Variants in USP6NL observed in about 807,000 individuals in gnomAD.
USP6NL encodes the protein USP6 N-terminal like.
USP6NL carries 26 observed loss-of-function variants against 61.9 expected under a neutral mutation model. The observed-to-expected ratio is 0.42, with a 90% confidence interval of 0.31 to 0.58. The LOEUF (loss-of-function observed/expected upper bound fraction) is 0.58, where lower values mean the gene tolerates loss of function less well. Among genes scored for constraint, USP6NL ranks in the 20% least tolerant of loss-of-function variants. The probability of loss-of-function intolerance (pLI) is 0.16; values close to 1 mark genes in which losing one functional copy is unlikely to be tolerated. For missense variants in USP6NL, 1,114 were observed against 1,034.3 expected, an observed-to-expected ratio of 1.08 and a Z score of -1.06; for synonymous variants, 432 against 390.1, an observed-to-expected ratio of 1.11 and a Z score of -1.27.
At position 11,481,291 on chromosome 10, in the gene USP6NL, G is replaced by A. The variant is rs982919688; in HGVS notation, c.1078+479C>T. Among the ~76,000 whole-genome samples, 16 of 148,478 alleles carry A rather than the reference G, an allele frequency of 1.1e-4. No individual in the cohort carries two copies. Among genetic ancestry groups the A allele is most frequent in the Middle Eastern group, 3.4e-3 (1 of 292 alleles). On this transcript the variant is annotated intron_variant, in intron 14 of 14. Transcript: ENST00000609104. The surrounding 1 kb of genome is among the most constrained non-coding windows in gnomAD (Gnocchi z 4.4). Reference sequence around the variant, plus strand: ...GGCTAGTAGTCAGAAAAACTGGCCTGCAGTCTCAGTAATGCTATTTGTGGT... The same window carrying A: ...GGCTAGTAGTCAGAAAAACTGGCCTACAGTCTCAGTAATGCTATTTGTGGT...
intron 7 of USP6NL, among the ~76,000 whole-genome samples, chr10:11,493,724 C>T (rs542653290): frequency 3.9e-5 from 6 of 152,214 alleles, no homozygotes; most frequent in Non-Finnish European, 8.8e-5. Context: ...GTAGGTGTTC[C>T]ACCAGCTTCA....
Position 11,463,284 on chromosome 10 carries a change from T to C in USP6NL, c.1644A>G (p.Ala548=), listed in dbSNP as rs1566108124. 1.9e-6 allele frequency: 3 copies of C among 1,613,892 alleles called. No individual in the cohort carries two copies. The highest frequency in any genetic ancestry group is 2.5e-6 in the Non-Finnish European group (3 of 1,179,890). ...GGCCTGGCACGTTGTCGTACTGCGA[T>C]GCAGTGGAGCCCCGCTTCCCGTCCT... is the stretch of plus-strand genomic sequence containing the variant. ...DAEDGKRGST[A]SQYDNVPGPE... The change falls in exon 15 of 15, where the codon GCA becomes GCG. Residue 548 remains alanine, a synonymous_variant. Transcript: ENST00000609104. The surrounding 1 kb of genome is among the most constrained non-coding windows in gnomAD (Gnocchi z 6.3).
chr10:11,529,839 G>A (rs1835574886), intron 2 of USP6NL, among the ~76,000 whole-genome samples: 1 of 152,138 alleles, frequency 6.6e-6, no homozygotes, highest in African/African-American at 2.4e-5. Flanking sequence ...AAATCAAGCT[G>A]GGTGTGGTGG....
intron 2 of USP6NL, among the ~76,000 whole-genome samples, chr10:11,570,614 A>G (rs1467429354): frequency 6.6e-6 from 1 of 152,266 alleles, no homozygotes; most frequent in Non-Finnish European, 1.5e-5. Context: ...AGATAGAGAA[A>G]CATACACTGT....
rs1219681603 is a variant in USP6NL, at chr10:11,545,746, G to T, written c.5-18179C>A. On this transcript the variant is annotated intron_variant, in intron 2 of 14. Coordinates refer to ENST00000609104, the MANE Select transcript of USP6NL (RefSeq NM_014688.5). ...GATTTTTTTATTTCTAACAAATCTG[G>T]ACTGTTTTGAAATGAATGTCTTGTA... Among the ~76,000 whole-genome samples the T allele has an allele frequency of 3.4e-5, 5 of 147,900 alleles. No individual in the cohort carries two copies. In the East Asian group the frequency reaches 9.6e-4, roughly 28 times the overall value.
intron 14 of USP6NL, among the ~76,000 whole-genome samples, chr10:11,469,780 G>T (rs1832650563): frequency 1.3e-5 from 2 of 152,208 alleles, no homozygotes; most frequent in African/African-American, 4.8e-5. Context: ...GCTGGGGTTT[G>T]CTTCACTTTA....
chr10:11,597,521 T>A lies in USP6NL; in HGVS notation c.4+110A>T. On this transcript the variant is annotated intron_variant, in intron 2 of 14. Coordinates refer to ENST00000609104, the MANE Select transcript of USP6NL (RefSeq NM_014688.5). The surrounding 1 kb of genome is among the most constrained non-coding windows in gnomAD (Gnocchi z 4.6). ...GCTGGGTGGAACCACATTCAAACTC[T>A]GAATAAGTGACATAATTCCAATTTA... The A allele has an allele frequency of 8.5e-7, 1 of 1,176,742 alleles. No homozygotes were observed. Among genetic ancestry groups the A allele is most frequent in the Non-Finnish European group, 1.2e-6 (1 of 805,484 alleles). 72.9% of individuals were successfully genotyped at this position (1,176,742 alleles called of 1,614,324 possible).
intron 6 of USP6NL, among the ~76,000 whole-genome samples, chr10:11,501,955 G>A (rs550856095): frequency 6.6e-6 from 1 of 152,218 alleles, no homozygotes; most frequent in South Asian, 2.1e-4. Flanking sequence ...AATGAAATTA[G>A]GCATGAAACA....
Position 11,511,177 on chromosome 10 carries a change from T to C in USP6NL, c.196-1502A>G, listed in dbSNP as rs762065012. On this transcript the variant is annotated intron_variant, in intron 5 of 14. Transcript: ENST00000609104. The surrounding 1 kb of genome is among the most constrained non-coding windows in gnomAD (Gnocchi z 4.9). ...TTAAAACTCTCAATTACCTAACTCT[T>C]TTTAAAATTTTTGATGGGTTTCTCA... is the stretch of plus-strand genomic sequence containing the variant. Among the ~76,000 whole-genome samples the C allele has an allele frequency of 6.6e-6, 1 of 152,208 alleles. No homozygotes were observed. The highest frequency in any genetic ancestry group is 1.5e-5 in the Non-Finnish European group (1 of 68,026).
In USP6NL at chr10:11,495,279, G is replaced by A. The variant is rs1310413963; in HGVS notation, c.385-2051C>T. Among the ~76,000 whole-genome samples, 1 of 152,156 alleles carries A rather than the reference G, an allele frequency of 6.6e-6. No homozygotes were observed. The highest frequency in any genetic ancestry group is 2.4e-5 in the African/African-American group (1 of 41,440). On this transcript the variant is annotated intron_variant, in intron 7 of 14. Coordinates refer to ENST00000609104, the MANE Select transcript of USP6NL (RefSeq NM_014688.5). This position sits in a 1 kb window ranked among gnomAD's most constrained non-coding sequence, Gnocchi z 4.6. Reference sequence around the variant, plus strand: ...GATTATTATAATATTGGAATATAGAGTAATTGCTACAAACTAATGATTAAT... The same window carrying A: ...GATTATTATAATATTGGAATATAGAATAATTGCTACAAACTAATGATTAAT...
At position 11,513,809 on chromosome 10, in the gene USP6NL, T is replaced by C. The variant is rs577443597; in HGVS notation, c.196-4134A>G. ...CAAGACTGTTCTTTATAGCTGGTTT[T>C]TTCTGTGGTGTGGGCAACTCGGAAT... is the stretch of plus-strand genomic sequence containing the variant. On this transcript the variant is annotated intron_variant, in intron 5 of 14. Coordinates refer to ENST00000609104, the MANE Select transcript of USP6NL (RefSeq NM_014688.5). This position sits in a 1 kb window ranked among gnomAD's most constrained non-coding sequence, Gnocchi z 4.7. 6.6e-6 allele frequency among the ~76,000 whole-genome samples: 1 copy of C among 152,324 alleles called. No individual in the cohort carries two copies. The highest frequency in any genetic ancestry group is 1.5e-5 in the Non-Finnish European group (1 of 68,026).
rs1838877115 is a variant in USP6NL, at chr10:11,611,125, G to C, written c.-84+318C>G. 6.6e-6 allele frequency among the ~76,000 whole-genome samples: 1 copy of C among 152,042 alleles called. No homozygotes were observed. Among genetic ancestry groups the C allele is most frequent in the African/African-American group, 2.4e-5 (1 of 41,426 alleles). ...ACTTGCGAGGGAGACGCGCCTGGCC[G>C]GGATCGCGGCTCACTCGGGGAGGCA... On this transcript the variant is annotated intron_variant, in intron 1 of 14. Coordinates refer to ENST00000609104, the MANE Select transcript of USP6NL (RefSeq NM_014688.5). The surrounding 1 kb of genome is among the most constrained non-coding windows in gnomAD (Gnocchi z 5.3).
chr10:11,494,133 T>C (rs1833814076), intron 7 of USP6NL, among the ~76,000 whole-genome samples: 1 of 152,226 alleles, frequency 6.6e-6, no homozygotes, highest in African/African-American at 2.4e-5. Flanking sequence ...TATTTGGCTG[T>C]TTTAGAATTC....
In USP6NL at chr10:11,462,869, G is replaced by A. The variant is rs368085347; in HGVS notation, c.2059C>T (p.Arg687Cys). The change falls in exon 15 of 15, where the codon CGC (arginine) becomes TGC (cysteine). Residue 687 changes from arginine (R) to cysteine (C), a missense_variant. Arg to Cys is a radical substitution (Grantham distance 180). Transcript: ENST00000609104. ...GACGGCAGTACAAGGGGGCTTGGGCGGCTGTAAGATTTCTCCGGAGAAGCA... is the reference window on the plus strand; with the variant it reads ...GACGGCAGTACAAGGGGGCTTGGGCAGCTGTAAGATTTCTCCGGAGAAGCA... ...VSASPEKSYS[R>C]PSPLVLPSSR... The A allele has an allele frequency of 1.9e-5, 31 of 1,613,620 alleles. No homozygotes were observed. Among genetic ancestry groups the A allele is most frequent in the African/African-American group, 2.7e-5 (2 of 74,916 alleles).
rs888666272 is a variant in USP6NL at position 11,481,652 on chromosome 10, C to T, written c.1078+118G>A. 1 of 1,119,964 alleles carries T rather than the reference C, an allele frequency of 8.9e-7. No homozygotes were observed. The highest frequency in any genetic ancestry group is 1.6e-5 in the African/African-American group (1 of 62,846). 69.4% of individuals were successfully genotyped at this position (1,119,964 alleles called of 1,614,324 possible). A position where few individuals can be genotyped will look rare whatever the true frequency, so the allele number is the denominator to read the frequency against. Reference sequence around the variant, plus strand: ...GCTGAGCTGGTAAGGCATTCATCCACATTATGTCATCACAAGTATAATGCT... The same window carrying T: ...GCTGAGCTGGTAAGGCATTCATCCATATTATGTCATCACAAGTATAATGCT... On this transcript the variant is annotated intron_variant, in intron 14 of 14. Transcript: ENST00000609104. This position sits in a 1 kb window ranked among gnomAD's most constrained non-coding sequence, Gnocchi z 4.4.
chr10:11,594,012 A>G (rs774064288), intron 2 of USP6NL, among the ~76,000 whole-genome samples: 3 of 152,256 alleles, frequency 2.0e-5, no homozygotes, highest in Non-Finnish European at 2.9e-5. Context: ...AAGCTAAGCC[A>G]TCATTCCCAC....
At chr10:11,475,594 C>A (rs760835210) in intron 14 of USP6NL, among the ~76,000 whole-genome samples, 2 of 95,114 alleles carry the variant, frequency 2.1e-5, no homozygotes, top group Non-Finnish European at 2.0e-5. Context: ...AAAACTCTGT[C>A]GCAAAAAAAA....
chr10:11,500,792 G>A (rs1456851732), intron 7 of USP6NL, among the ~76,000 whole-genome samples: 1 of 152,122 alleles, frequency 6.6e-6, no homozygotes, highest in Non-Finnish European at 1.5e-5. Flanking sequence ...ATAATTAGGT[G>A]TTAGTCCATT....
In USP6NL at chr10:11,462,840, A is replaced by T; in HGVS notation, c.2088T>A (p.Ser696Arg). 7 of 1,613,968 alleles carry T rather than the reference A, an allele frequency of 4.3e-6. No homozygotes were observed. Among genetic ancestry groups the T allele is most frequent in the Non-Finnish European group, 5.9e-6 (7 of 1,179,884 alleles). ...SRPSPLVLPS[S>R]RIEVLPVDTG... ...TGTCAACAGGGAGGACTTCTATTCG[A>T]CTAGACGGCAGTACAAGGGGGCTTG... Residue 696 changes from serine (S) to arginine (R), a missense_variant, in exon 15 of 15, where the codon AGT (serine) becomes AGA (arginine). Ser to Arg is a moderately radical substitution (Grantham distance 110). Coordinates refer to ENST00000609104, the MANE Select transcript of USP6NL (RefSeq NM_014688.5).
Sources: allele counts gnomAD v4.1 joint callset (sites outside exome capture counted in the v4.1 genomes callset), GRCh38; gene constraint gnomAD v4.1.1; non-coding constraint Gnocchi (gnomAD v3.1); transcripts MANE v1.5; gene names NCBI Gene and HGNC (gene_info 2026-07-23, HGNC 2026-07-21).